The following MSI2 variants were observed in gnomAD, a reference collection of about 807,000 sequenced individuals.
MSI2 encodes the protein musashi RNA binding protein 2, also known as RNA-binding protein Musashi homolog 2.
A neutral mutation model predicts 45.6 loss-of-function variants in MSI2; 17 were observed. That is an observed-to-expected ratio of 0.37 (90% CI 0.26 to 0.56). The LOEUF is 0.56. Among genes scored for constraint, MSI2 ranks in the 20% least tolerant of loss-of-function variants. The pLI is 0.77. For missense variants in MSI2, 293 were observed against 444.2 expected (o/e 0.66, Z 3.06); for synonymous variants, 156 against 158.2 (o/e 0.99, Z 0.11).
intron 5 of MSI2, among the ~76,000 whole-genome samples, chr17:57,376,586 G>T (rs553037923): frequency 2.0e-5 from 3 of 152,158 alleles, no homozygotes; most frequent in Non-Finnish European, 2.9e-5. Flanking sequence ...CTGGGTTTTC[G>T]GTTGTGATTT....
At chr17:57,344,811 T>C (rs549475515) in intron 5 of MSI2, among the ~76,000 whole-genome samples, 1 of 152,286 alleles carries the variant, frequency 6.6e-6, no homozygotes, top group African/African-American at 2.4e-5. Context: ...CCCATTCCAC[T>C]ACAAAAGACT....
intron 6 of MSI2, among the ~76,000 whole-genome samples, chr17:57,416,682 C>T (rs576275732): frequency 4.6e-5 from 7 of 152,258 alleles, no homozygotes; most frequent in African/African-American, 1.2e-4. Context: ...CTCTTAGACA[C>T]CTGAGTGTGG....
chr17:57,340,050 C>T (rs1481154855), intron 5 of MSI2, among the ~76,000 whole-genome samples: 2 of 152,206 alleles, frequency 1.3e-5, no homozygotes, highest in Non-Finnish European at 2.9e-5. Flanking sequence ...GGTTCCAGCC[C>T]TTCCTAGCTT....
intron 6 of MSI2, chr17:57,450,254 T>TGAAAGAAAGAAA (rs2084973444): frequency 1.0e-5 from 1 of 98,754 alleles, no homozygotes; most frequent in African/African-American, 5.5e-5. Context: ...ATTCCCCAGC[T>TGAAAGAAAGAAA]TAAAGAAAGA....
chr17:57,410,430 GC>G (rs767853876), intron 6 of MSI2, among the ~76,000 whole-genome samples: 8 of 152,128 alleles, frequency 5.3e-5, no homozygotes, highest in African/African-American at 7.2e-5. Context: ...GCAAGTGGCT[GC>G]TGAAGGCAGG....
At position 57,501,118 on chromosome 17, in the gene MSI2, G is replaced by A. The variant is rs187645569; in HGVS notation, c.406-28558G>A. On this transcript the variant is annotated intron_variant, in intron 6 of 13. Coordinates refer to ENST00000284073, the MANE Select transcript of MSI2 (RefSeq NM_138962.4). ...CATTCTATTAACTGGGGTTCAGAGA[G>A]TAACTTGTTCTGTCGCTCACCCAAG... Among the ~76,000 whole-genome samples, 112 of 152,322 alleles carry A rather than the reference G, an allele frequency of 7.4e-4. 4 individuals are homozygous for A. The East Asian group carries it at 0.017, about 23-fold the overall frequency.
intron 5 of MSI2, among the ~76,000 whole-genome samples, chr17:57,283,830 G>A (rs1297558692): frequency 2.6e-5 from 4 of 152,220 alleles, no homozygotes; most frequent in Non-Finnish European, 4.4e-5. Context: ...CGGGTCCAGG[G>A]GAATGTGTGT....
At chr17:57,267,020 T>TG (rs1377977630) in intron 5 of MSI2, 1 of 152,402 alleles carries the variant, frequency 6.6e-6, no homozygotes, top group Non-Finnish European at 1.5e-5. Context: ...CCTCCTGTTC[T>TG]GGGGGAGTGG....
At position 57,336,502 on chromosome 17, in the gene MSI2, A is replaced by G. The variant is rs1286079000; in HGVS notation, c.313-64877A>G. ...AGTAGTTAAATCACCTGTGTTACCAATGGTCTTTAAACCAAAACTGCATTA... is the reference window on the plus strand; with the variant it reads ...AGTAGTTAAATCACCTGTGTTACCAGTGGTCTTTAAACCAAAACTGCATTA... On this transcript the variant is annotated intron_variant, in intron 5 of 13. Transcript: ENST00000284073. Among the ~76,000 whole-genome samples, 4 of 152,208 alleles carry G rather than the reference A, an allele frequency of 2.6e-5. No homozygotes were observed. In the East Asian group the frequency reaches 5.8e-4, roughly 22 times the overall value.
chr17:57,352,826 G>A (rs1598159331), intron 5 of MSI2, among the ~76,000 whole-genome samples: 2 of 152,346 alleles, frequency 1.3e-5, no homozygotes, highest in East Asian at 3.9e-4. Context: ...TTGGCCAGAA[G>A]GAGAAGGGCT....
chr17:57,424,764 T>C (rs1007871318), intron 6 of MSI2, among the ~76,000 whole-genome samples: 1 of 152,108 alleles, frequency 6.6e-6, no homozygotes, highest in Admixed American at 6.5e-5. Context: ...GGGGTGCCTG[T>C]GGCCTCTGTG....
At chr17:57,486,571 T>C (rs2085758526) in intron 6 of MSI2, among the ~76,000 whole-genome samples, 2 of 152,374 alleles carry the variant, frequency 1.3e-5, no homozygotes, top group African/African-American at 4.8e-5. Flanking sequence ...TTACCCACTT[T>C]GTCAAACTCA....
intron 6 of MSI2, among the ~76,000 whole-genome samples, chr17:57,411,641 T>C (rs748359993): frequency 7.2e-5 from 11 of 152,168 alleles, no homozygotes; most frequent in Non-Finnish European, 1.0e-4. Context: ...GGGTTTGTTG[T>C]TAAACTTAAG....
chr17:57,626,971 T>A (rs536242838), intron 9 of MSI2: 2 of 565,312 alleles, frequency 3.5e-6, no homozygotes, highest in South Asian at 4.3e-5. Flanking sequence ...GCATTTACTC[T>A]GAAGGTTCAG....
chr17:57,602,502 G>A (rs537023637), intron 8 of MSI2, among the ~76,000 whole-genome samples: 1 of 152,190 alleles, frequency 6.6e-6, no homozygotes, highest in Admixed American at 6.5e-5. Flanking sequence ...ATAGGCATGC[G>A]CCACCACGCC....
At chr17:57,328,548 ATGT>A (rs1009197277) in intron 5 of MSI2, among the ~76,000 whole-genome samples, 3 of 152,218 alleles carry the variant, frequency 2.0e-5, no homozygotes, top group Non-Finnish European at 4.4e-5. Flanking sequence ...TACAGAAAAC[ATGT>A]TGTTTTGTAA....
intron 6 of MSI2, among the ~76,000 whole-genome samples, chr17:57,456,348 G>A (rs149645760): frequency 0.014 from 2,118 of 152,270 alleles, 25 homozygotes; most frequent in Admixed American, 0.021. Flanking sequence ...AGTGGCTCAC[G>A]CCTATAATCC....
upstream of MSI2, chr17:57,255,851 A>G (rs200335604): frequency 1.3e-5 from 2 of 152,248 alleles, no homozygotes; most frequent in Non-Finnish European, 2.9e-5. Flanking sequence ...GTGTGGAGCC[A>G]GAGCCAGAGA....
At chr17:57,677,702 G>A (rs192794539) in intron 13 of MSI2, among the ~76,000 whole-genome samples, 54 of 152,314 alleles carry the variant, frequency 3.5e-4, no homozygotes, top group African/African-American at 1.2e-3. Flanking sequence ...ACATGGATTT[G>A]GATCCCTGCC....
Sources: gnomAD v4.1 joint callset for allele counts (sites outside exome capture counted in the v4.1 genomes callset) on GRCh38, gnomAD v4.1.1 for gene constraint, MANE v1.5 for transcripts, NCBI Gene and HGNC (gene_info 2026-07-23, HGNC 2026-07-21) for gene names.